Variants in ADCY5 observed in about 807,000 individuals in gnomAD.
ADCY5 encodes adenylate cyclase type 5.
A neutral mutation model predicts 119.7 loss-of-function variants in ADCY5; 30 were observed. The observed-to-expected ratio is 0.25, with a 90% CI of 0.19 to 0.34. The LOEUF (loss-of-function observed/expected upper bound fraction) is 0.34, where lower values mean the gene tolerates loss of function less well. ADCY5 is among the 10% of genes least tolerant of loss of function. ADCY5 has a pLI of 1.00. For synonymous variants in ADCY5, 753 were observed against 762.2 expected (o/e 0.99, Z 0.20); for missense variants, 1,324 against 1,775.2 (o/e 0.75, Z 4.57).
At position 123,327,687 on chromosome 3, in the gene ADCY5, G is replaced by T; in HGVS notation, c.1878C>A (p.Gly626=). Residue 626 remains glycine (G), a synonymous_variant, in exon 7 of 21, where the codon GGC becomes GGA. Transcript: ENST00000462833. Reference sequence around the variant, plus strand: ...GCTCCTTGAGGTAGGCGTTGCGCTCGCCCCCACAGCCTGGCTCCACCTCGT... The same window carrying T: ...GCTCCTTGAGGTAGGCGTTGCGCTCTCCCCCACAGCCTGGCTCCACCTCGT... ...GDYEVEPGCG[G]ERNAYLKEHS... is the part of the protein sequence containing the mutation. 2 of 1,614,038 alleles carry T rather than the reference G, an allele frequency of 1.2e-6. No individual in the cohort carries two copies. Among genetic ancestry groups the T allele is most frequent in the Non-Finnish European group, 1.7e-6 (2 of 1,179,982 alleles).
At position 123,296,164 on chromosome 3, in the gene ADCY5, AGAT is replaced by A; in HGVS notation, c.2980_2982del (p.Ile994del). ...AGGTACAGGGCCAGCACAAAGACTG[AGAT>A]GATGATGGGCGTCACCACCTTCAAT... On this transcript the variant is annotated inframe_deletion, in exon 17 of 21. Transcript: ENST00000462833. The A allele has an allele frequency of 6.2e-7, 1 of 1,613,924 alleles. No individual in the cohort carries two copies. The highest frequency in any genetic ancestry group is 8.5e-7 in the Non-Finnish European group (1 of 1,179,974).
chr3:123,362,642 A>G (rs979285720), intron 1 of ADCY5, among the ~76,000 whole-genome samples: 13 of 152,214 alleles, frequency 8.5e-5, no homozygotes, highest in Admixed American at 5.2e-4. Context: ...GCTGCTGGCC[A>G]CCTTGCCCTC....
intron 10 of ADCY5, 122 bp from the exon 11 acceptor site, chr3:123,318,239 C>T: frequency 1.4e-6 from 1 of 694,770 alleles, no homozygotes; most frequent in South Asian, 1.7e-5. Context: ...CCCACTCCCA[C>T]AACAGGGAAG....
chr3:123,331,269 C>G (rs1467355290), intron 4 of ADCY5, among the ~76,000 whole-genome samples: 1 of 152,144 alleles, frequency 6.6e-6, no homozygotes, highest in African/African-American at 2.4e-5. Flanking sequence ...GACTCAGGAG[C>G]TCACTTTTAA....
At chr3:123,303,869 AAGAGAAGAGAAGAGAAGAGAAGAG>A (rs1411198134) in intron 13 of ADCY5, among the ~76,000 whole-genome samples, 174 bp downstream of exon 13, 3,766 of 146,602 alleles carry the variant, frequency 0.026, 149 homozygotes, top group African/African-American at 0.082. Context: ...AAGAGAAGAG[AAGAGAAGAGAAGAGAAGAGAAGAG>A]AAGAAAGAAC....
At chr3:123,396,745 GGA>G in intron 1 of ADCY5, among the ~76,000 whole-genome samples, 7 of 56,194 alleles carry the variant, frequency 1.2e-4, no homozygotes, top group Admixed American at 1.8e-4. Flanking sequence ...AAGGAAGGAA[GGA>G]AGGAAGGAAG....
chr3:123,308,102 C>T lies in ADCY5; in HGVS notation c.2443-3919G>A, dbSNP rs149639430. 1.4e-3 allele frequency among the ~76,000 whole-genome samples: 183 copies of T among 135,270 alleles called. No homozygotes were observed. The East Asian group carries it at 0.034, about 25-fold the overall frequency. 88.7% of individuals were successfully genotyped at this position (135,270 alleles called of 152,430 possible). A position where few individuals can be genotyped will look rare whatever the true frequency, so the allele number is the denominator to read the frequency against. ...AGGCTGGAGTGCAGTGGCATGGTCT[C>T]GGCTCACTGCAAGCTCCGCCTCCCA... On this transcript the variant is annotated intron_variant, in intron 12 of 20. Transcript: ENST00000462833.
intron 12 of ADCY5, among the ~76,000 whole-genome samples, chr3:123,309,187 T>G (rs1261302327): frequency 6.6e-6 from 1 of 152,194 alleles, no homozygotes; most frequent in Non-Finnish European, 1.5e-5. Flanking sequence ...CTGTCTGTGA[T>G]GCGGGGCCAG....
intron 1 of ADCY5, chr3:123,416,062 G>A: frequency 9.2e-7 from 1 of 1,083,502 alleles, no homozygotes; most frequent in Non-Finnish European, 1.3e-6. Flanking sequence ...TCCCACCTAG[G>A]GTCAGGGGTT....
intron 4 of ADCY5, among the ~76,000 whole-genome samples, chr3:123,331,658 T>C (rs996280010): frequency 1.3e-5 from 2 of 152,018 alleles, no homozygotes; most frequent in Admixed American, 6.6e-5. Context: ...GTCAGTGGGA[T>C]TGCGATAGAA....
At chr3:123,346,664 TGA>T (rs1293408293) in intron 3 of ADCY5, among the ~76,000 whole-genome samples, 19 of 147,748 alleles carry the variant, frequency 1.3e-4, no homozygotes, top group East Asian at 3.9e-4. Flanking sequence ...TGTGTGTGTG[TGA>T]GAGAGAGAGA....
chr3:123,336,706 T>C (rs542202022), intron 3 of ADCY5, among the ~76,000 whole-genome samples: 1 of 152,330 alleles, frequency 6.6e-6, no homozygotes, highest in East Asian at 1.9e-4. Flanking sequence ...CTCCTGTGCC[T>C]GCCTGGCTGA....
rs749582093 is a variant in ADCY5 at position 123,447,994 on chromosome 3, G to C, written c.552C>G (p.Ser184=). ...AGTCCGCCGAGCTGCCGCCATCCCC[G>C]GACCCCTCGCCGCCCTCGACGGCGC... ...EAGAVEGGEG[S]GDGGSSADSG... The change falls in exon 1 of 21, where the codon TCC becomes TCG. Residue 184 remains serine, a synonymous_variant. Coordinates refer to ENST00000462833, the MANE Select transcript of ADCY5 (RefSeq NM_183357.3). 1.7e-4 allele frequency: 233 copies of C among 1,335,546 alleles called. 6 individuals carry two copies. The South Asian group carries it at 4.8e-3, about 27-fold the overall frequency. 82.7% of individuals were successfully genotyped at this position (1,335,546 alleles called of 1,614,324 possible).
intron 1 of ADCY5, among the ~76,000 whole-genome samples, chr3:123,355,066 C>T (rs573746536): frequency 1.4e-4 from 21 of 152,278 alleles, no homozygotes; most frequent in South Asian, 8.3e-4. Flanking sequence ...TGTTCCCTCT[C>T]GTCACTCCTA....
In ADCY5 at chr3:123,296,207, A is replaced by G. The variant is rs1377825396; in HGVS notation, c.2940T>C (p.His980=). Residue 980 remains histidine (H), a synonymous_variant, in exon 17 of 21, where the codon CAT becomes CAC. Coordinates refer to ENST00000462833, the MANE Select transcript of ADCY5 (RefSeq NM_183357.3). ...CCACCTTCAATGCCACCTTGGTTGC[A>G]TGCTCAGGGCTGTGGGGAGGTGGTG... ...FNNGTSQCPE[H]ATKVALKVVT... 1.2e-6 allele frequency: 2 copies of G among 1,613,824 alleles called. No homozygotes were observed. Among genetic ancestry groups the G allele is most frequent in the South Asian group, 2.2e-5 (2 of 91,082 alleles).
chr3:123,312,947 G>A (rs895190233), intron 12 of ADCY5, among the ~76,000 whole-genome samples: 5 of 140,254 alleles, frequency 3.6e-5, no homozygotes, highest in Non-Finnish European at 7.4e-5. Flanking sequence ...AAAGGCAGGA[G>A]TGGCTGAACA....
intron 7 of ADCY5, among the ~76,000 whole-genome samples, 167 bp from the exon 8 acceptor site, chr3:123,325,629 C>A (rs1014250968): frequency 1.3e-5 from 2 of 152,204 alleles, no homozygotes; most frequent in East Asian, 1.9e-4. Context: ...ACTCCCCAGG[C>A]AAGCATCCTG....
chr3:123,365,330 A>G (rs1487138381), intron 1 of ADCY5, among the ~76,000 whole-genome samples: 1 of 152,192 alleles, frequency 6.6e-6, no homozygotes, highest in Non-Finnish European at 1.5e-5. Context: ...TCAAAAGGGA[A>G]ATGTGATCAC....
rs551164630 is a variant in ADCY5 at position 123,423,023 on chromosome 3, C to A, written c.1134+24389G>T. Among the ~76,000 whole-genome samples, 4 of 152,344 alleles carry A rather than the reference C, an allele frequency of 2.6e-5. No homozygotes were observed. In the East Asian group the frequency reaches 7.7e-4, roughly 29 times the overall value. On this transcript the variant is annotated intron_variant, in intron 1 of 20. Transcript: ENST00000462833. ...TTCACAGACAGGAGAGACTTCCCTG[C>A]ACCTTGCAGTGAGAGGACAGACCAG...
Sources: allele counts gnomAD v4.1 joint callset (sites outside exome capture counted in the v4.1 genomes callset), GRCh38; gene constraint gnomAD v4.1.1; transcripts MANE v1.5; gene names NCBI Gene and HGNC (gene_info 2026-07-23, HGNC 2026-07-21).